The following DDAH2 variants were observed in gnomAD, a reference collection of about 807,000 sequenced individuals.
The protein encoded by DDAH2 is putative hydrolase DDAH2.
In DDAH2, 8 loss-of-function variants were observed where a neutral mutation model predicts 24.8. The observed-to-expected ratio is 0.32, with a 90% CI of 0.19 to 0.58. The LOEUF (loss-of-function observed/expected upper bound fraction) is 0.58. DDAH2 is among the 20% of genes least tolerant of loss of function. The probability of loss-of-function intolerance (pLI) is 0.87; values close to 1 mark genes in which losing one functional copy is unlikely to be tolerated. For missense variants in DDAH2, 281 were observed against 379.0 expected, an observed-to-expected ratio of 0.74 and a Z score of 2.15; for synonymous variants, 151 against 166.1, an observed-to-expected ratio of 0.91 and a Z score of 0.70.
chr6:31,728,565 GT>G lies in DDAH2; in HGVS notation c.398-42del. 6.2e-7 allele frequency: 1 copy of G among 1,612,154 alleles called. No individual in the cohort carries two copies. The highest frequency in any genetic ancestry group is 1.1e-5 in the South Asian group (1 of 91,058). On this transcript the variant is annotated intron_variant, in intron 2 of 5. Transcript: ENST00000375789. The surrounding 1 kb of genome is among the most constrained non-coding windows in gnomAD (Gnocchi z 9.8). ...CGCGGAGGTTTGAGGGCGGGAGTGA[GT>G]TAGAAACAAGGCTCCAGACGGCCGA... is the stretch of plus-strand genomic sequence containing the variant.
upstream of DDAH2, chr6:31,729,643 G>A (rs1302185599): frequency 1.2e-5 from 2 of 171,274 alleles, no homozygotes; most frequent in African/African-American, 4.8e-5. The surrounding 1 kb of genome is among the most constrained non-coding windows in gnomAD (Gnocchi z 6.7). Flanking sequence ...GAAGGAGAAA[G>A]CTGGAGAGGC....
chr6:31,728,178 C>G lies in DDAH2; in HGVS notation c.586G>C (p.Val196Leu). 1 of 1,611,832 alleles carries G rather than the reference C, an allele frequency of 6.2e-7. No individual in the cohort carries two copies. Among genetic ancestry groups the G allele is most frequent in the Non-Finnish European group, 8.5e-7 (1 of 1,179,866 alleles). The change falls in exon 4 of 6, where the codon GTC becomes CTC. Residue 196 changes from valine to leucine, a missense_variant. Physicochemically the swap from Val to Leu is conservative, Grantham distance 32. Transcript: ENST00000375789. The surrounding 1 kb of genome is among the most constrained non-coding windows in gnomAD (Gnocchi z 9.8). ...TGGCCCCGCCCCCTCCTCACCCGGA[C>G]AGCCTTTTGGGCAGCGTCGCTGCTG... is the stretch of plus-strand genomic sequence containing the variant. ...AGSSDAAQKA[V>L]RAMAVLTDHP...
In DDAH2 at chr6:31,729,255, A is replaced by G. The variant is rs1807664846; in HGVS notation, c.-94T>C. 1.8e-6 allele frequency: 2 copies of G among 1,137,460 alleles called. No individual in the cohort carries two copies. The highest frequency in any genetic ancestry group is 1.5e-5 in the African/African-American group (1 of 64,586). 70.5% of individuals were successfully genotyped at this position (1,137,460 alleles called of 1,614,324 possible). A position where few individuals can be genotyped will look rare whatever the true frequency, so the allele number is the denominator to read the frequency against. On this transcript the variant is annotated 5_prime_UTR_variant, in exon 1 of 6. Transcript: ENST00000375789. This position sits in a 1 kb window ranked among gnomAD's most constrained non-coding sequence, Gnocchi z 6.7. ...GAGAAGAAACAGAAAAGGAGGAGACAGAGAAAAAGACATGCAGACAAGGGC... is the reference window on the plus strand; with the variant it reads ...GAGAAGAAACAGAAAAGGAGGAGACGGAGAAAAAGACATGCAGACAAGGGC...
In DDAH2 at chr6:31,728,175, G is replaced by T. The variant is rs1230808005; in HGVS notation, c.589C>A (p.Arg197=). The change falls in exon 4 of 6, where the codon CGG becomes AGG. Residue 197 remains arginine (R), a splice_region_variant and synonymous_variant. Transcript: ENST00000375789. The surrounding 1 kb of genome is among the most constrained non-coding windows in gnomAD (Gnocchi z 9.8). ...CGTTGGCCCCGCCCCCTCCTCACCC[G>T]GACAGCCTTTTGGGCAGCGTCGCTG... The part of the protein sequence containing the change: ...GSSDAAQKAV[R]AMAVLTDHPY... 1.9e-6 allele frequency: 3 copies of T among 1,611,376 alleles called. No homozygotes were observed. Among genetic ancestry groups the T allele is most frequent in the African/African-American group, 1.3e-5 (1 of 74,876 alleles).
Position 31,727,817 on chromosome 6 carries a change from G to T in DDAH2, c.592-125C>A. 1 of 1,076,476 alleles carries T rather than the reference G, an allele frequency of 9.3e-7. No individual in the cohort carries two copies. The highest frequency in any genetic ancestry group is 1.3e-6 in the Non-Finnish European group (1 of 748,760). The allele number at this position is 1,076,476 out of a possible 1,614,324, so 66.7% of individuals were successfully genotyped here. A position where few individuals can be genotyped will look rare whatever the true frequency, so the allele number is the denominator to read the frequency against. On this transcript the variant is annotated intron_variant, in intron 4 of 5. Transcript: ENST00000375789. The surrounding 1 kb of genome is among the most constrained non-coding windows in gnomAD (Gnocchi z 6.0). ...AAAATAATGACAGCAAGCACATAGA[G>T]CTTACGATATGTCAGACACTAAGTA...
chr6:31,729,518 C>T, upstream of DDAH2: 1 of 299,668 alleles, frequency 3.3e-6, no homozygotes, highest in Admixed American at 4.6e-5. The surrounding 1 kb of genome is among the most constrained non-coding windows in gnomAD (Gnocchi z 6.7). Context: ...CTCTTGGCAG[C>T]CACTAGGATG....
Position 31,729,193 on chromosome 6 carries a change from CG to C in DDAH2, c.-33del. On this transcript the variant is annotated 5_prime_UTR_variant, in exon 1 of 6. Transcript: ENST00000375789. This position sits in a 1 kb window ranked among gnomAD's most constrained non-coding sequence, Gnocchi z 6.7. ...CACACAGACTCCCCCTCCAACCGCTCGGATTTCTTAGTTTTCTTGTTTCTTC... is the reference window on the plus strand; with the variant it reads ...CACACAGACTCCCCCTCCAACCGCTCGATTTCTTAGTTTTCTTGTTTCTTC... 6.6e-7 allele frequency: 1 copy of C among 1,504,334 alleles called. No homozygotes were observed. The highest frequency in any genetic ancestry group is 9.0e-7 in the Non-Finnish European group (1 of 1,108,624). The allele number at this position is 1,504,334 out of a possible 1,614,324, so 93.2% of individuals were successfully genotyped here. A position where few individuals can be genotyped will look rare whatever the true frequency, so the allele number is the denominator to read the frequency against.
At position 31,728,149 on chromosome 6, in the gene DDAH2, T is replaced by C. The variant is rs1337719751; in HGVS notation, c.591+24A>G. ...CCCGGGCCCAGAACTGCGCCCACTTTCGTTGGCCCCGCCCCCTCCTCACCC... is the reference window on the plus strand; with the variant it reads ...CCCGGGCCCAGAACTGCGCCCACTTCCGTTGGCCCCGCCCCCTCCTCACCC... On this transcript the variant is annotated intron_variant, in intron 4 of 5. Coordinates refer to ENST00000375789, the MANE Select transcript of DDAH2 (RefSeq NM_001303007.2). This position sits in a 1 kb window ranked among gnomAD's most constrained non-coding sequence, Gnocchi z 9.8. The C allele has an allele frequency of 1.9e-6, 3 of 1,608,886 alleles. No individual in the cohort carries two copies. The Admixed American group carries it at 5.0e-5, about 27-fold the overall frequency.
At chr6:31,729,643 G>C (rs1302185599), upstream of DDAH2, 1 of 171,274 alleles carries the variant, frequency 5.8e-6, no homozygotes, top group Non-Finnish European at 1.3e-5. The surrounding 1 kb of genome is among the most constrained non-coding windows in gnomAD (Gnocchi z 6.7). Flanking sequence ...GAAGGAGAAA[G>C]CTGGAGAGGC....
Position 31,728,028 on chromosome 6 carries a change from ACTTCT to A in DDAH2, c.591+140_591+144del. The A allele has an allele frequency of 9.4e-7, 1 of 1,069,214 alleles. No individual in the cohort carries two copies. The highest frequency in any genetic ancestry group is 1.6e-5 in the South Asian group (1 of 64,138). 66.2% of individuals were successfully genotyped at this position (1,069,214 alleles called of 1,614,324 possible). ...CCCTGTTCCCAGTCCTGCTGTTGTA[ACTTCT>A]TATTTTCTCCTGTGTTCTTTCATGT... On this transcript the variant is annotated intron_variant, in intron 4 of 5. Coordinates refer to ENST00000375789, the MANE Select transcript of DDAH2 (RefSeq NM_001303007.2). This position sits in a 1 kb window ranked among gnomAD's most constrained non-coding sequence, Gnocchi z 9.8.
Position 31,729,131 on chromosome 6 carries a change from AG to A in DDAH2, c.30del (p.Cys11AlafsTer5), listed in dbSNP as rs1807649998. MGTPGEGLG[R>X]CSHALIRGVP... ...ACTCCCCGGATCAGGGCATGGGAGCAGCGGCCCAGCCCCTCCCCCGGCGTCC... is the reference window on the plus strand; with the variant it reads ...ACTCCCCGGATCAGGGCATGGGAGCACGGCCCAGCCCCTCCCCCGGCGTCC... On this transcript the variant is annotated frameshift_variant, in exon 1 of 6. Coordinates refer to ENST00000375789, the MANE Select transcript of DDAH2 (RefSeq NM_001303007.2). LOFTEE classifies it high-confidence loss of function. This position sits in a 1 kb window ranked among gnomAD's most constrained non-coding sequence, Gnocchi z 6.7. 1.2e-6 allele frequency: 2 copies of A among 1,611,734 alleles called. No individual in the cohort carries two copies. Among genetic ancestry groups the A allele is most frequent in the African/African-American group, 1.3e-5 (1 of 74,884 alleles).
At position 31,728,408 on chromosome 6, in the gene DDAH2, C is replaced by T. The variant is rs1258908232; in HGVS notation, c.471+43G>A. On this transcript the variant is annotated intron_variant, in intron 3 of 5. Transcript: ENST00000375789. The surrounding 1 kb of genome is among the most constrained non-coding windows in gnomAD (Gnocchi z 9.8). ...GCGGGCGCCCAGGCCCTTCCGACCC[C>T]CACCTGCACCCCCTCCCTCCCTAGG... is the stretch of plus-strand genomic sequence containing the variant. The T allele has an allele frequency of 6.2e-7, 1 of 1,611,224 alleles. No individual in the cohort carries two copies. The highest frequency in any genetic ancestry group is 8.5e-7 in the Non-Finnish European group (1 of 1,179,342).
Position 31,727,832 on chromosome 6 carries a change from G to C in DDAH2, c.592-140C>G. The C allele has an allele frequency of 3.1e-6, 3 of 969,166 alleles. No individual in the cohort carries two copies. The highest frequency in any genetic ancestry group is 1.5e-6 in the Non-Finnish European group (1 of 659,486). The allele number at this position is 969,166 out of a possible 1,614,324, so 60.0% of individuals were successfully genotyped here. A position where few individuals can be genotyped will look rare whatever the true frequency, so the allele number is the denominator to read the frequency against. On this transcript the variant is annotated intron_variant, in intron 4 of 5. Transcript: ENST00000375789. The surrounding 1 kb of genome is among the most constrained non-coding windows in gnomAD (Gnocchi z 6.0). ...AGCACATAGAGCTTACGATATGTCA[G>C]ACACTAAGTACTTTAGTTACCTTTG...
At chr6:31,730,247 G>C (rs1197739259), upstream of DDAH2, 1 of 161,398 alleles carries the variant, frequency 6.2e-6, no homozygotes, top group Non-Finnish European at 1.4e-5. This position sits in a 1 kb window ranked among gnomAD's most constrained non-coding sequence, Gnocchi z 5.1. Context: ...GCGGCTCCGG[G>C]GCATTGTCTA....
Position 31,727,301 on chromosome 6 carries a change from A to G in DDAH2, c.794T>C (p.Leu265Pro). 2 of 1,613,074 alleles carry G rather than the reference A, an allele frequency of 1.2e-6. No individual in the cohort carries two copies. The highest frequency in any genetic ancestry group is 1.7e-6 in the Non-Finnish European group (2 of 1,180,014). Reference protein sequence around the residue: ...VTLVPVSCSELEKAGAGLSSL... With the variant: ...VTLVPVSCSEPEKAGAGLSSL... ...GCTGAGCCCGGCGCCAGCCTTCTCC[A>G]GTTCTGAGCAGGACACAGGTACCAG... is the stretch of plus-strand genomic sequence containing the variant. The change falls in exon 6 of 6, where the codon CTG becomes CCG. Residue 265 changes from leucine to proline, a missense_variant. Leu to Pro is a moderately conservative substitution (Grantham distance 98). Coordinates refer to ENST00000375789, the MANE Select transcript of DDAH2 (RefSeq NM_001303007.2). The surrounding 1 kb of genome is among the most constrained non-coding windows in gnomAD (Gnocchi z 6.0).
rs764379849 is a variant in DDAH2 at position 31,728,035 on chromosome 6, A to C, written c.591+138T>G. 4 of 1,117,496 alleles carry C rather than the reference A, an allele frequency of 3.6e-6. No homozygotes were observed. Among genetic ancestry groups the C allele is most frequent in the Non-Finnish European group, 3.8e-6 (3 of 792,692 alleles). The allele number at this position is 1,117,496 out of a possible 1,614,324, so 69.2% of individuals were successfully genotyped here. A position where few individuals can be genotyped will look rare whatever the true frequency, so the allele number is the denominator to read the frequency against. On this transcript the variant is annotated intron_variant, in intron 4 of 5. Coordinates refer to ENST00000375789, the MANE Select transcript of DDAH2 (RefSeq NM_001303007.2). The surrounding 1 kb of genome is among the most constrained non-coding windows in gnomAD (Gnocchi z 9.8). ...CCCAGTCCTGCTGTTGTAACTTCTT[A>C]TTTTCTCCTGTGTTCTTTCATGTAA... is the stretch of plus-strand genomic sequence containing the variant.
At chr6:31,729,348 C>T (rs1756326061), upstream of DDAH2, 1 of 604,628 alleles carries the variant, frequency 1.7e-6, no homozygotes, top group Non-Finnish European at 2.9e-6. The surrounding 1 kb of genome is among the most constrained non-coding windows in gnomAD (Gnocchi z 6.7). Context: ...CACTCCGCCC[C>T]ACCCACTCCA....
Position 31,728,853 on chromosome 6 carries a change from C to A in DDAH2, c.297+12G>T. ...GCCTTTCCCCATACCACACCCGCGC[C>A]ACGGCGCTCACCTCTGGCCTACGAG... On this transcript the variant is annotated intron_variant, in intron 1 of 5. Transcript: ENST00000375789. This position sits in a 1 kb window ranked among gnomAD's most constrained non-coding sequence, Gnocchi z 9.8. 1 of 1,611,520 alleles carries A rather than the reference C, an allele frequency of 6.2e-7. No individual in the cohort carries two copies. Among genetic ancestry groups the A allele is most frequent in the Non-Finnish European group, 8.5e-7 (1 of 1,179,132 alleles).
chr6:31,727,080 T>G lies in DDAH2; in HGVS notation c.*157A>C. On this transcript the variant is annotated 3_prime_UTR_variant, in exon 6 of 6. Transcript: ENST00000375789. This position sits in a 1 kb window ranked among gnomAD's most constrained non-coding sequence, Gnocchi z 6.0. The stretch of plus-strand genomic sequence containing the variant: ...ATTTTATTGGTTCTGAGAGGGAGGA[T>G]TCACCCAGTGGATCCTTTTCCCTAC... 1 of 679,034 alleles carries G rather than the reference T, an allele frequency of 1.5e-6. No homozygotes were observed. The allele number at this position is 679,034 out of a possible 1,614,324, so 42.1% of individuals were successfully genotyped here. A position where few individuals can be genotyped will look rare whatever the true frequency, so the allele number is the denominator to read the frequency against.
Sources: allele counts gnomAD v4.1 joint callset, GRCh38; gene constraint gnomAD v4.1.1; non-coding constraint Gnocchi (gnomAD v3.1); transcripts MANE v1.5; gene names NCBI Gene and HGNC (gene_info 2026-07-23, HGNC 2026-07-21).